Variants in KMT5B observed in about 807,000 individuals in gnomAD.
The protein encoded by KMT5B is histone-lysine N-methyltransferase KMT5B.
Under a neutral mutation model 83.2 loss-of-function variants are expected in KMT5B, and 10 were observed. That is an observed-to-expected ratio of 0.12 (90% CI 0.07 to 0.20). The LOEUF is 0.20. KMT5B is among the 10% of genes least tolerant of loss of function. The probability of loss-of-function intolerance (pLI) is 1.00; values close to 1 mark genes in which losing one functional copy is unlikely to be tolerated. For missense variants in KMT5B, 753 were observed against 1,067.2 expected, an observed-to-expected ratio of 0.71 and a Z score of 4.10; for synonymous variants, 349 against 388.8, an observed-to-expected ratio of 0.90 and a Z score of 1.20.
chr11:68,157,093 T>G lies in KMT5B; in HGVS notation c.*595A>C, dbSNP rs879223100. The G allele has an allele frequency of 4.1e-3, 597 of 145,932 alleles. 6 individuals carry two copies. The highest frequency in any genetic ancestry group is 0.012 in the African/African-American group (469 of 40,360). The allele number at this position is 145,932 out of a possible 1,614,324, so 9.0% of individuals were successfully genotyped here. On this transcript the variant is annotated 3_prime_UTR_variant, in exon 11 of 11. Transcript: ENST00000304363. ...GAAAAGTGAGCTGTCACGTATGTCA[T>G]TTTTTTTTTTTTTTTAAGAAACCAA...
At chr11:68,192,528 C>G (rs574104452) in intron 1 of KMT5B, among the ~76,000 whole-genome samples, 11 of 152,178 alleles carry the variant, frequency 7.2e-5, no homozygotes, top group Non-Finnish European at 1.3e-4. Flanking sequence ...ATACTGATAT[C>G]TAGTAGAGCT....
At chr11:68,167,318 G>C in intron 9 of KMT5B, 140 bp from the exon 10 acceptor site, 1 of 940,210 alleles carries the variant, frequency 1.1e-6, no homozygotes. Context: ...CCGAAGACTA[G>C]AACTCACAAA....
intron 1 of KMT5B, among the ~76,000 whole-genome samples, chr11:68,212,134 T>G (rs1415040684): frequency 2.0e-5 from 3 of 151,780 alleles, no homozygotes; most frequent in African/African-American, 7.2e-5. Flanking sequence ...TATTAAAGAC[T>G]AAAGGAAAAA....
chr11:68,158,270 T>G lies in KMT5B; in HGVS notation c.2076A>C (p.Ala692=). 1 of 1,614,182 alleles carries G rather than the reference T, an allele frequency of 6.2e-7. No homozygotes were observed. Among genetic ancestry groups the G allele is most frequent in the Non-Finnish European group, 8.5e-7 (1 of 1,180,038 alleles). The change falls in exon 11 of 11, where the codon GCA becomes GCC. Residue 692 remains alanine, a synonymous_variant. Transcript: ENST00000304363. ...TGATTCGCCTCTTCTTTTTACTTTT[T>G]GCAGTTCTAAAGCTGTCTTTTGTTT... ...SFKTKDSFRT[A]KSKKKRRITR...
intron 10 of KMT5B, chr11:68,165,668 G>A (rs1396004040): frequency 6.5e-6 from 8 of 1,226,694 alleles, no homozygotes; most frequent in Non-Finnish European, 7.4e-6. Flanking sequence ...TTATAAAATG[G>A]GCTTCACAAG....
intron 1 of KMT5B, among the ~76,000 whole-genome samples, chr11:68,208,728 A>G (rs1186159523): frequency 1.3e-5 from 2 of 151,948 alleles, no homozygotes; most frequent in African/African-American, 4.8e-5. Flanking sequence ...AGCTCATCCT[A>G]TAATCCCAGC....
At chr11:68,163,003 A>C (rs1398009501) in intron 10 of KMT5B, among the ~76,000 whole-genome samples, 1 of 151,238 alleles carries the variant, frequency 6.6e-6, no homozygotes, top group African/African-American at 2.4e-5. Flanking sequence ...CTAAAGGAGG[A>C]AGACAGTGGC....
At chr11:68,197,085 C>G (rs1466290247) in intron 1 of KMT5B, among the ~76,000 whole-genome samples, 1 of 151,998 alleles carries the variant, frequency 6.6e-6, no homozygotes, top group Non-Finnish European at 1.5e-5. Context: ...ATTCTCCTGA[C>G]TCAGCCTCCC....
At position 68,161,382 on chromosome 11, in the gene KMT5B, T is replaced by A. The variant is rs185137456; in HGVS notation, c.1175-2211A>T. 1.7e-4 allele frequency among the ~76,000 whole-genome samples: 26 copies of A among 152,296 alleles called. No homozygotes were observed. The East Asian group carries it at 2.1e-3, about 12-fold the overall frequency. ...GCTCTCTCAGATGTGGCTACGATGATCCTTTGCTCATTCTATGCCTCCTCA... is the reference window on the plus strand; with the variant it reads ...GCTCTCTCAGATGTGGCTACGATGAACCTTTGCTCATTCTATGCCTCCTCA... On this transcript the variant is annotated intron_variant, in intron 10 of 10. Coordinates refer to ENST00000304363, the MANE Select transcript of KMT5B (RefSeq NM_017635.5).
chr11:68,182,977 C>G lies in KMT5B; in HGVS notation c.309-2777G>C, dbSNP rs183935983. 3.7e-3 allele frequency among the ~76,000 whole-genome samples: 568 copies of G among 152,090 alleles called. 7 individuals carry two copies. The highest frequency in any genetic ancestry group is 0.013 in the African/African-American group (555 of 41,492). On this transcript the variant is annotated intron_variant, in intron 3 of 10. Transcript: ENST00000304363. ...TCTTGAACTCCCGACCTCAGGTGAT[C>G]CGCCCACCTCAGCCTCCCAAAGTGC...
rs778953150 is a variant in KMT5B, at chr11:68,171,062, C to T, written c.930G>A (p.Gly310=). The T allele has an allele frequency of 7.0e-5, 113 of 1,605,220 alleles. No homozygotes were observed. Among genetic ancestry groups the T allele is most frequent in the Non-Finnish European group, 9.4e-5 (111 of 1,178,264 alleles). ...AGAACTCATTATTTTCTCCAAAGAA[C>T]CCATCTCCATAATAACAAGAAATTT... The part of the protein sequence containing the change: ...GEEISCYYGD[G]FFGENNEFCE... The change falls in exon 9 of 11, where the codon GGG becomes GGA. Residue 310 remains glycine, a synonymous_variant. Transcript: ENST00000304363. The surrounding 1 kb of genome is among the most constrained non-coding windows in gnomAD (Gnocchi z 5.1).
At chr11:68,189,876 A>G (rs1413838283) in intron 2 of KMT5B, 41 bp downstream of exon 2, 2 of 1,579,666 alleles carry the variant, frequency 1.3e-6, no homozygotes, top group African/African-American at 2.7e-5. Flanking sequence ...TTACTACCCC[A>G]TATCACAATC....
intron 1 of KMT5B, among the ~76,000 whole-genome samples, 165 bp downstream of exon 1, chr11:68,212,973 C>G (rs1861141920): frequency 7.0e-6 from 1 of 142,652 alleles, no homozygotes. Context: ...GGCCGCAGCC[C>G]CGCCCCCCGC....
intron 1 of KMT5B, among the ~76,000 whole-genome samples, chr11:68,208,436 G>T (rs1349115347): frequency 6.6e-6 from 1 of 151,210 alleles, no homozygotes; most frequent in Non-Finnish European, 1.5e-5. Context: ...CTGGGCAACA[G>T]AGTGAGACTC....
At chr11:68,194,462 C>T (rs952879935) in intron 1 of KMT5B, among the ~76,000 whole-genome samples, 3 of 152,028 alleles carry the variant, frequency 2.0e-5, no homozygotes, top group Admixed American at 6.6e-5. Flanking sequence ...CAAAGTGCTA[C>T]GATTACAGGC....
At position 68,158,061 on chromosome 11, in the gene KMT5B, A is replaced by G. The variant is rs777148868; in HGVS notation, c.2285T>C (p.Leu762Pro). 6.2e-6 allele frequency: 10 copies of G among 1,614,146 alleles called. No homozygotes were observed. Among genetic ancestry groups the G allele is most frequent in the Non-Finnish European group, 8.5e-6 (10 of 1,180,028 alleles). The stretch of plus-strand genomic sequence containing the variant: ...TGATCCTGAGTTAAATCCATTATTA[A>G]GCTTTGCTACATAGAGATTGTTATC... ...DNDNNLYVAK[L>P]NNGFNSGSGS... The change falls in exon 11 of 11, where the codon CTT becomes CCT. Residue 762 changes from leucine to proline, a missense_variant. Physicochemically the swap from Leu to Pro is moderately conservative, Grantham distance 98. This residue lies in a region of KMT5B where 161 missense variants were observed against 195.1 expected (regional missense o/e 0.83). Coordinates refer to ENST00000304363, the MANE Select transcript of KMT5B (RefSeq NM_017635.5).
intron 9 of KMT5B, among the ~76,000 whole-genome samples, chr11:68,169,373 C>A (rs1252211163): frequency 6.6e-6 from 1 of 152,178 alleles, no homozygotes; most frequent in African/African-American, 2.4e-5. Context: ...TCTATTCATT[C>A]ATTTACCAAA....
chr11:68,170,405 T>C (rs772637208), intron 9 of KMT5B, among the ~76,000 whole-genome samples: 4 of 152,200 alleles, frequency 2.6e-5, no homozygotes, highest in Non-Finnish European at 4.4e-5. Flanking sequence ...GGACTCTTCC[T>C]GCAGCCCTTG....
chr11:68,187,530 T>C (rs766759377), intron 2 of KMT5B, among the ~76,000 whole-genome samples: 1 of 152,244 alleles, frequency 6.6e-6, no homozygotes, highest in African/African-American at 2.4e-5. Context: ...TTTTCCTCCA[T>C]TGGGGTCACA....
Sources: allele counts gnomAD v4.1 joint callset (sites outside exome capture counted in the v4.1 genomes callset), GRCh38; gene constraint gnomAD v4.1.1; regional missense constraint gnomAD v4.1.1; non-coding constraint Gnocchi (gnomAD v3.1); transcripts MANE v1.5; gene names NCBI Gene and HGNC (gene_info 2026-07-23, HGNC 2026-07-21).